The following TTLL11 variants were observed in gnomAD, a reference collection of about 807,000 sequenced individuals.
TTLL11 encodes tubulin polyglutamylase TTLL11.
In TTLL11, 42 loss-of-function variants were observed where a neutral mutation model predicts 51.7. That is an observed-to-expected ratio of 0.81 (90% CI 0.64 to 1.05). The LOEUF (loss-of-function observed/expected upper bound fraction) is 1.05, where lower values mean the gene tolerates loss of function less well. TTLL11 is among the 50% of genes least tolerant of loss of function. The pLI is 0.00. For missense variants in TTLL11, 799 were observed against 940.4 expected (o/e 0.85, Z 1.97); for synonymous variants, 381 against 383.5 (o/e 0.99, Z 0.08).
intron 3 of TTLL11, among the ~76,000 whole-genome samples, chr9:122,014,947 G>C (rs1313299104): frequency 1.3e-5 from 2 of 152,172 alleles, no homozygotes; most frequent in African/African-American, 2.4e-5. Context: ...CACTTAGCAG[G>C]CCTCGGGAAA....
At chr9:121,841,879 C>T (rs1837361264) in intron 8 of TTLL11, among the ~76,000 whole-genome samples, 1 of 151,938 alleles carries the variant, frequency 6.6e-6, no homozygotes, top group African/African-American at 2.4e-5. Flanking sequence ...GCCAGATGTC[C>T]CCCTGGGAGT....
At chr9:121,996,901 G>C (rs199986308) in intron 3 of TTLL11, among the ~76,000 whole-genome samples, 2 of 152,212 alleles carry the variant, frequency 1.3e-5, no homozygotes, top group Admixed American at 1.3e-4. Flanking sequence ...AGAGTCCAGT[G>C]AGAAATCTAC....
intron 1 of TTLL11, among the ~76,000 whole-genome samples, chr9:122,045,250 C>A (rs1279678135): frequency 6.6e-6 from 1 of 151,822 alleles, no homozygotes; most frequent in Admixed American, 6.6e-5. Context: ...CTGGGTGTAT[C>A]CCCCAAAAGA....
intron 4 of TTLL11, among the ~76,000 whole-genome samples, chr9:121,984,333 A>T (rs1406663008): frequency 1.3e-5 from 2 of 152,222 alleles, no homozygotes; most frequent in Non-Finnish European, 2.9e-5. Context: ...TACAGATAAC[A>T]AACAATGGAA....
chr9:121,877,655 T>C (rs1463809592), intron 6 of TTLL11, among the ~76,000 whole-genome samples: 3 of 152,070 alleles, frequency 2.0e-5, no homozygotes, highest in Non-Finnish European at 2.9e-5. Context: ...CAAAACACAA[T>C]AGCGATGATA....
chr9:121,931,456 C>T (rs1012171248), intron 6 of TTLL11, among the ~76,000 whole-genome samples: 2 of 151,890 alleles, frequency 1.3e-5, no homozygotes, highest in Admixed American at 1.3e-4. Context: ...AAGAAATATT[C>T]AAAAGGCCAG....
chr9:122,037,655 G>C (rs575350064), intron 2 of TTLL11, among the ~76,000 whole-genome samples: 2 of 152,162 alleles, frequency 1.3e-5, no homozygotes, highest in Admixed American at 1.3e-4. Flanking sequence ...GGGCATCTAA[G>C]CCAAGAAAGA....
rs111946774 is a variant in TTLL11, at chr9:121,989,127, C to T, written c.1269+68G>A. 4.2e-5 allele frequency: 66 copies of T among 1,579,674 alleles called. No homozygotes were observed. The highest frequency in any genetic ancestry group is 2.6e-4 in the African/African-American group (19 of 74,408). On this transcript the variant is annotated intron_variant, in intron 4 of 8. Coordinates refer to ENST00000321582, the MANE Select transcript of TTLL11 (RefSeq NM_001139442.2). The surrounding 1 kb of genome is among the most constrained non-coding windows in gnomAD (Gnocchi z 4.2). ...TCCCACCCCGATCACTCATCCTACA[C>T]GAAGCCAGAGAGCCCTCTTGAGGCC...
chr9:121,914,316 G>T (rs77204375), intron 6 of TTLL11, among the ~76,000 whole-genome samples: 20,171 of 152,232 alleles, frequency 0.13, 2,111 homozygotes, highest in East Asian at 0.28. Context: ...GCCTAAGCTA[G>T]TTCCTATCAA....
At chr9:121,916,361 A>C (rs1840327234) in intron 6 of TTLL11, among the ~76,000 whole-genome samples, 1 of 152,200 alleles carries the variant, frequency 6.6e-6, no homozygotes, top group African/African-American at 2.4e-5. Context: ...GAAGGATTGA[A>C]AGCAAATTGT....
chr9:122,058,812 C>G (rs534784425), intron 1 of TTLL11, among the ~76,000 whole-genome samples: 1 of 152,108 alleles, frequency 6.6e-6, no homozygotes, highest in Non-Finnish European at 1.5e-5. Context: ...TAAGCAATAC[C>G]TTTTAATTTA....
In TTLL11 at chr9:121,842,637, T is replaced by C. The variant is rs1288243403; in HGVS notation, c.1840+17700A>G. Among the ~76,000 whole-genome samples, 4 of 152,338 alleles carry C rather than the reference T, an allele frequency of 2.6e-5. 1 individual carries two copies. In the South Asian group the frequency reaches 6.2e-4, roughly 24 times the overall value. ...GTGAATATGTAGGAAATGTTACCCA[T>C]GAATTCTGAAGGTGGCTCCTATGGG... On this transcript the variant is annotated intron_variant, in intron 8 of 8. Coordinates refer to ENST00000321582, the MANE Select transcript of TTLL11 (RefSeq NM_001139442.2).
intron 6 of TTLL11, among the ~76,000 whole-genome samples, chr9:121,946,627 T>G (rs1352051018): frequency 6.6e-6 from 1 of 152,232 alleles, no homozygotes; most frequent in Non-Finnish European, 1.5e-5. Context: ...CTAAGCCCGC[T>G]GACTTATTTT....
chr9:121,846,939 G>A (rs976842923), intron 8 of TTLL11, among the ~76,000 whole-genome samples: 10 of 152,134 alleles, frequency 6.6e-5, no homozygotes, highest in African/African-American at 2.2e-4. Flanking sequence ...GGCCGGGCCC[G>A]GTGGCTCACG....
chr9:121,845,188 C>A (rs986527244), intron 8 of TTLL11, among the ~76,000 whole-genome samples: 7 of 151,956 alleles, frequency 4.6e-5, no homozygotes, highest in Non-Finnish European at 1.0e-4. Context: ...ATATATAATG[C>A]CTTAAGGACA....
chr9:122,036,210 A>G lies in TTLL11; in HGVS notation c.559+3062T>C, dbSNP rs111370283. 3.8e-4 allele frequency among the ~76,000 whole-genome samples: 57 copies of G among 151,998 alleles called. 1 individual carries two copies. The highest frequency in any genetic ancestry group is 1.3e-3 in the African/African-American group (56 of 41,484). On this transcript the variant is annotated intron_variant, in intron 2 of 8. Coordinates refer to ENST00000321582, the MANE Select transcript of TTLL11 (RefSeq NM_001139442.2). ...CCTTTCTCTGTGTCTTTATAGCCCC[A>G]GAGCCCAGACCAATGCTTGACAGAT...
intron 3 of TTLL11, among the ~76,000 whole-genome samples, chr9:121,993,040 G>A (rs1432816474): frequency 6.6e-6 from 1 of 151,456 alleles, no homozygotes; most frequent in East Asian, 2.0e-4. Context: ...GACAAATACT[G>A]TAAGTAAGAA....
At chr9:121,900,180 C>A (rs894581466) in intron 6 of TTLL11, among the ~76,000 whole-genome samples, 1 of 152,186 alleles carries the variant, frequency 6.6e-6, no homozygotes, top group Non-Finnish European at 1.5e-5. Flanking sequence ...AGCATCTTGC[C>A]TTTAGTGAGG....
intron 8 of TTLL11, among the ~76,000 whole-genome samples, chr9:121,857,210 G>T (rs1837851336): frequency 6.6e-6 from 1 of 152,200 alleles, no homozygotes. Flanking sequence ...CACCCTCTCT[G>T]CTCCAGTTCT....
Sources: gnomAD v4.1 joint callset for allele counts (sites outside exome capture counted in the v4.1 genomes callset) on GRCh38, gnomAD v4.1.1 for gene constraint, Gnocchi (gnomAD v3.1) non-coding constraint, MANE v1.5 for transcripts, NCBI Gene and HGNC (gene_info 2026-07-23, HGNC 2026-07-21) for gene names.